EPHA6: variants seen among roughly 807,000 people sequenced by gnomAD.
The protein encoded by EPHA6 is EPH receptor A6.
Under a neutral mutation model 112.0 loss-of-function variants are expected in EPHA6, and 50 were observed. The observed-to-expected ratio is 0.45, with a 90% CI of 0.36 to 0.56. The LOEUF (loss-of-function observed/expected upper bound fraction) is 0.56, where lower values mean the gene tolerates loss of function less well. Ranked by LOEUF, EPHA6 falls within the 20% of genes least tolerant of loss-of-function variation. The pLI is 0.00. For missense variants in EPHA6, 1,280 were observed against 1,417.4 expected (o/e 0.90, Z 1.56); for synonymous variants, 529 against 490.7 (o/e 1.08, Z -1.03).
chr3:97,132,451 C>G (rs1393663665), intron 3 of EPHA6, among the ~76,000 whole-genome samples: 2 of 152,002 alleles, frequency 1.3e-5, no homozygotes, highest in Non-Finnish European at 2.9e-5. Flanking sequence ...TTTTAAATAT[C>G]TCACTCTACT....
chr3:97,298,333 A>C (rs969481440), intron 5 of EPHA6, among the ~76,000 whole-genome samples: 8 of 152,178 alleles, frequency 5.3e-5, no homozygotes, highest in Non-Finnish European at 8.8e-5. Context: ...CGTCCATCTC[A>C]GTGTGGCTAT....
chr3:97,183,792 G>A (rs963470878), intron 3 of EPHA6, among the ~76,000 whole-genome samples: 2 of 151,998 alleles, frequency 1.3e-5, no homozygotes, highest in African/African-American at 4.8e-5. Flanking sequence ...AATTTATTCA[G>A]ACTCCAGACC....
chr3:96,870,887 T>G (rs1464460568), intron 2 of EPHA6, among the ~76,000 whole-genome samples: 8 of 152,040 alleles, frequency 5.3e-5, no homozygotes, highest in Admixed American at 2.6e-4. Flanking sequence ...ATTTATATAT[T>G]TCATATAGTA....
intron 1 of EPHA6, among the ~76,000 whole-genome samples, chr3:96,815,316 C>T (rs2032686100): frequency 1.3e-5 from 2 of 152,182 alleles, no homozygotes; most frequent in Non-Finnish European, 2.9e-5. Flanking sequence ...CACTGGAAGT[C>T]AGGCTCCGTG....
chr3:97,082,248 G>T (rs572955809), intron 3 of EPHA6, among the ~76,000 whole-genome samples: 1 of 151,748 alleles, frequency 6.6e-6, no homozygotes, highest in East Asian at 1.9e-4. Context: ...AAAAATGAGC[G>T]TGTATTACTT....
intron 3 of EPHA6, among the ~76,000 whole-genome samples, chr3:97,006,391 C>T (rs550216884): frequency 1.3e-5 from 2 of 152,210 alleles, no homozygotes; most frequent in Non-Finnish European, 2.9e-5. Flanking sequence ...AGTTTATTTG[C>T]ATAGAGATGT....
intron 3 of EPHA6, among the ~76,000 whole-genome samples, chr3:97,011,715 A>AATATAAG (rs2044091741): frequency 6.6e-6 from 1 of 152,140 alleles, no homozygotes; most frequent in African/African-American, 2.4e-5. Context: ...ATTGTGTGAC[A>AATATAAG]CTAAGGTTTC....
intron 3 of EPHA6, among the ~76,000 whole-genome samples, chr3:97,029,633 G>A (rs1183730525): frequency 2.0e-5 from 3 of 152,040 alleles, no homozygotes; most frequent in Admixed American, 6.6e-5. Context: ...AAATTAATGG[G>A]GGTGATAGTA....
At chr3:96,949,970 G>A (rs1433239442) in intron 2 of EPHA6, among the ~76,000 whole-genome samples, 1 of 152,086 alleles carries the variant, frequency 6.6e-6, no homozygotes, top group African/African-American at 2.4e-5. Context: ...TCATAGCTTT[G>A]AAGTCTTTGT....
intron 15 of EPHA6, among the ~76,000 whole-genome samples, chr3:97,722,879 G>A (rs1023405312): frequency 1.3e-5 from 2 of 151,844 alleles, no homozygotes; most frequent in African/African-American, 4.8e-5. Context: ...GATTTTTCCT[G>A]CCCCCCAGAT....
intron 3 of EPHA6, among the ~76,000 whole-genome samples, chr3:97,209,970 A>T (rs1298837522): frequency 6.6e-6 from 1 of 152,194 alleles, no homozygotes; most frequent in Admixed American, 6.5e-5. Context: ...TAATGAAATA[A>T]AAGTTGTGTA....
intron 11 of EPHA6, among the ~76,000 whole-genome samples, chr3:97,554,849 G>T (rs1480457771): frequency 1.3e-5 from 2 of 152,018 alleles, no homozygotes; most frequent in East Asian, 3.9e-4. Flanking sequence ...TCTAAGACTT[G>T]CTAAACTTGG....
intron 1 of EPHA6, among the ~76,000 whole-genome samples, chr3:96,822,363 G>A (rs1480247344): frequency 6.6e-6 from 1 of 151,804 alleles, no homozygotes; most frequent in Non-Finnish European, 1.5e-5. Flanking sequence ...TGAGCTTTGT[G>A]AGAATTGGGA....
At chr3:97,025,291 G>C (rs895256046) in intron 3 of EPHA6, among the ~76,000 whole-genome samples, 12 of 152,060 alleles carry the variant, frequency 7.9e-5, no homozygotes, top group Admixed American at 5.9e-4. Flanking sequence ...GAGTGAGACA[G>C]GAAGAGAAAG....
At chr3:96,823,066 C>T (rs1348142087) in intron 1 of EPHA6, among the ~76,000 whole-genome samples, 2 of 151,246 alleles carry the variant, frequency 1.3e-5, no homozygotes, top group East Asian at 1.9e-4. Context: ...TATGATTGCC[C>T]CCAAATTTGA....
intron 3 of EPHA6, among the ~76,000 whole-genome samples, chr3:96,999,558 G>A (rs2043553557): frequency 6.6e-6 from 1 of 151,998 alleles, no homozygotes; most frequent in African/African-American, 2.4e-5. Context: ...CACAAATAGA[G>A]GGAGTTGCTA....
At chr3:97,639,884 A>G (rs2093985591) in intron 14 of EPHA6, among the ~76,000 whole-genome samples, 1 of 152,164 alleles carries the variant, frequency 6.6e-6, no homozygotes, top group Non-Finnish European at 1.5e-5. Flanking sequence ...GCTGTAGATT[A>G]TGTCTTGATT....
chr3:97,388,753 C>T (rs1409592492), intron 5 of EPHA6, among the ~76,000 whole-genome samples: 1 of 152,082 alleles, frequency 6.6e-6, no homozygotes, highest in African/African-American at 2.4e-5. Context: ...GAAAAAGATC[C>T]TCATCACAGA....
At chr3:97,040,988 T>C (rs545609338) in intron 3 of EPHA6, among the ~76,000 whole-genome samples, 1 of 152,222 alleles carries the variant, frequency 6.6e-6, no homozygotes, top group East Asian at 1.9e-4. Flanking sequence ...TTTATTTTCT[T>C]CCTCCCTAGG....
Sources: gnomAD v4.1 joint callset for allele counts (sites outside exome capture counted in the v4.1 genomes callset) on GRCh38, gnomAD v4.1.1 for gene constraint, MANE v1.5 for transcripts, NCBI Gene and HGNC (gene_info 2026-07-23, HGNC 2026-07-21) for gene names.